Variants in SPTBN5 observed in about 807,000 individuals in gnomAD.
SPTBN5 encodes the protein spectrin beta chain, non-erythrocytic 5.
SPTBN5 carries 513 observed loss-of-function variants against 477.6 expected under a neutral mutation model. That is an observed-to-expected ratio of 1.07 (90% CI 1.00 to 1.16). SPTBN5 has a LOEUF of 1.16. SPTBN5 is among the 50% of genes most tolerant of loss of function. The pLI, the probability that SPTBN5 is intolerant of heterozygous loss-of-function variation, is 0.00. For missense variants in SPTBN5, 5,062 were observed against 4,731.8 expected (o/e 1.07, Z -2.05); for synonymous variants, 2,169 against 2,011.7 (o/e 1.08, Z -2.09).
intron 17 of SPTBN5, 69 bp from the exon 18 acceptor site, chr15:41,877,425 C>T: frequency 6.5e-7 from 1 of 1,541,746 alleles, no homozygotes; most frequent in Non-Finnish European, 8.7e-7. Flanking sequence ...CTCCTCTCAC[C>T]TCCAGGGTTC....
Position 41,875,524 on chromosome 15 carries a change from C to T in SPTBN5, c.4221G>A (p.Lys1407=), listed in dbSNP as rs778645130. ...GGAGCTCGTCCCCACGCTCAGTCAT[C>T]TTGCGGTTCAAAGCTTCCCACTTGC... ...LRSKWEALNR[K]MTERGDELQQ... is the part of the protein sequence containing the mutation. The change falls in exon 22 of 68, where the codon AAG becomes AAA. Residue 1407 remains lysine, a synonymous_variant. Transcript: ENST00000320955. The T allele has an allele frequency of 6.8e-6, 11 of 1,612,420 alleles. No homozygotes were observed. Among genetic ancestry groups the T allele is most frequent in the Non-Finnish European group, 9.3e-6 (11 of 1,179,440 alleles).
chr15:41,865,140 G>A (rs1394348222), intron 39 of SPTBN5, among the ~76,000 whole-genome samples: 1 of 152,162 alleles, frequency 6.6e-6, no homozygotes, highest in African/African-American at 2.4e-5. Context: ...AGCACATTTG[G>A]TCTTTAACAC....
chr15:41,875,341 C>G (rs772845593), intron 22 of SPTBN5, 117 bp downstream of exon 22: 102 of 1,280,106 alleles, frequency 8.0e-5, no homozygotes, highest in Non-Finnish European at 1.0e-4. Flanking sequence ...AGGCCAGAAG[C>G]CTCCAGAGGC....
At chr15:41,851,706 G>A (rs1334729121) in intron 63 of SPTBN5, 73 bp downstream of exon 63, 1 of 1,158,792 alleles carries the variant, frequency 8.6e-7, no homozygotes, top group Non-Finnish European at 1.3e-6. Context: ...GCCAGGCCCA[G>A]ATGGCTCTTC....
At chr15:41,859,132 C>G (rs2066018114) in intron 47 of SPTBN5, among the ~76,000 whole-genome samples, 152 bp from the exon 48 acceptor site, 1 of 152,160 alleles carries the variant, frequency 6.6e-6, no homozygotes, top group Admixed American at 6.5e-5. Context: ...GTATTTGTGT[C>G]TGTTATGCGC....
intron 27 of SPTBN5, 47 bp from the exon 28 acceptor site, chr15:41,871,964 C>T (rs1196977540): frequency 4.7e-6 from 7 of 1,481,562 alleles, no homozygotes; most frequent in Non-Finnish European, 5.4e-6. Flanking sequence ...GCCCACCCCC[C>T]TGGGGGCCAG....
rs1298853129 is a variant in SPTBN5, at chr15:41,876,933, C to T, written c.3727G>A (p.Ala1243Thr). The change falls in exon 19 of 68, where the codon GCC becomes ACC. Residue 1243 changes from alanine (A) to threonine (T), a missense_variant. Coordinates refer to ENST00000320955, the MANE Select transcript of SPTBN5 (RefSeq NM_016642.4). ...CGGTGCTGCTGCAGCAGGCTCAGGGCCTCCCTCACGTCCTCCTGGGAGTGC... is the reference window on the plus strand; with the variant it reads ...CGGTGCTGCTGCAGCAGGCTCAGGGTCTCCCTCACGTCCTCCTGGGAGTGC... ...LDNLGEDVRE[A>T]LSLLQQHREF... The T allele has an allele frequency of 1.2e-6, 2 of 1,608,328 alleles. No individual in the cohort carries two copies. The highest frequency in any genetic ancestry group is 2.7e-5 in the African/African-American group (2 of 74,800).
intron 56 of SPTBN5, 150 bp from the exon 57 acceptor site, chr15:41,854,355 C>T: frequency 1.3e-6 from 1 of 793,028 alleles, no homozygotes; most frequent in Non-Finnish European, 1.8e-6. Flanking sequence ...ATCCTCCATG[C>T]TGCAGCCCTC....
In SPTBN5 at chr15:41,886,164, C is replaced by G. The variant is rs745335403; in HGVS notation, c.1091G>C (p.Gly364Ala). The part of the protein sequence containing the change: ...QEKPPRLQQR[G>A]AAEALLFRLQ... ...CCGGAAGAGCAGGGCCTCTGCGGCC[C>G]CTCGCTGCTGTAGCCGGGGTGGCTT... Residue 364 changes from glycine (G) to alanine (A), a missense_variant, in exon 7 of 68, where the codon GGG becomes GCG. Gly to Ala is a moderately conservative substitution (Grantham distance 60). Transcript: ENST00000320955. 44 of 1,612,520 alleles carry G rather than the reference C, an allele frequency of 2.7e-5. No individual in the cohort carries two copies. The highest frequency in any genetic ancestry group is 3.7e-5 in the Non-Finnish European group (44 of 1,179,602).
intron 7 of SPTBN5, among the ~76,000 whole-genome samples, chr15:41,884,273 A>G (rs1483485214): frequency 6.6e-6 from 1 of 152,150 alleles, no homozygotes. Flanking sequence ...GGCATGAGCC[A>G]CTGCGCCCGG....
intron 39 of SPTBN5, among the ~76,000 whole-genome samples, chr15:41,864,783 C>A (rs1251212430): frequency 6.6e-6 from 1 of 152,214 alleles, no homozygotes; most frequent in African/African-American, 2.4e-5. Context: ...TAAAGGTACG[C>A]AGGGAGGGGG....
At chr15:41,865,238 G>T (rs2066260179) in intron 39 of SPTBN5, among the ~76,000 whole-genome samples, 2 of 152,188 alleles carry the variant, frequency 1.3e-5, no homozygotes, top group Admixed American at 1.3e-4. Context: ...GAGGGGGCGG[G>T]TGTGGGGTGA....
At chr15:41,874,742 G>A in intron 23 of SPTBN5, 100 bp downstream of exon 23, 1 of 1,212,162 alleles carries the variant, frequency 8.2e-7, no homozygotes, top group Non-Finnish European at 1.1e-6. Context: ...TACTCATAAG[G>A]GAGGAGGTCT....
chr15:41,870,086 C>A, intron 31 of SPTBN5, 66 bp from the exon 32 acceptor site: 1 of 1,453,338 alleles, frequency 6.9e-7, no homozygotes, highest in Non-Finnish European at 9.1e-7. Flanking sequence ...CAGATGTATC[C>A]CTTGCCTGGG....
rs1215726924 is a variant in SPTBN5 at position 41,887,289 on chromosome 15, A to G, written c.812T>C (p.Met271Thr). ...GTGGTAGTAGAGGGAGACGTAGGTC[A>G]TGATAGAGCGCTCATCTGGCTGTGC... Reference protein sequence around the residue: ...AAAQPDERSIMTYVSLYYHYC... With the variant: ...AAAQPDERSITTYVSLYYHYC... Residue 271 changes from methionine to threonine, a missense_variant, in exon 6 of 68, where the codon ATG becomes ACG. By Grantham distance (81) the Met-to-Thr change is moderately conservative. Transcript: ENST00000320955. The G allele has an allele frequency of 6.4e-7, 1 of 1,551,304 alleles. No homozygotes were observed. The highest frequency in any genetic ancestry group is 1.2e-5 in the South Asian group (1 of 84,064).
rs777703654 is a variant in SPTBN5, at chr15:41,848,618, A to G, written c.11023T>C (p.Ter3675ArgextTer18). The change falls in exon 68 of 68, where the codon TGA becomes CGA. Residue 3675 changes from the stop codon to arginine (R), a stop_lost. Transcript: ENST00000320955. Reference sequence around the variant, plus strand: ...TTGGTGTTGCACTGGGGTTCACCTCAGGGATCAGACCTGTTGGGAAAACGG... The same window carrying G: ...TTGGTGTTGCACTGGGGTTCACCTCGGGGATCAGACCTGTTGGGAAAACGG... ...RPGCLLRSDP* is the reference protein window; with the variant it reads ...RPGCLLRSDPR 6 of 1,613,940 alleles carry G rather than the reference A, an allele frequency of 3.7e-6. No individual in the cohort carries two copies. Among genetic ancestry groups the G allele is most frequent in the Non-Finnish European group, 5.1e-6 (6 of 1,179,838 alleles).
intron 39 of SPTBN5, among the ~76,000 whole-genome samples, chr15:41,865,551 T>C (rs1595466114): frequency 6.6e-6 from 1 of 152,278 alleles, no homozygotes; most frequent in African/African-American, 2.4e-5. Context: ...GGGGGATAGG[T>C]CTATGCAGTT....
In SPTBN5 at chr15:41,880,229, C is replaced by T. The variant is rs1437651880; in HGVS notation, c.2742G>A (p.Lys914=). The T allele has an allele frequency of 6.2e-7, 1 of 1,602,574 alleles. No homozygotes were observed. Among genetic ancestry groups the T allele is most frequent in the Non-Finnish European group, 8.5e-7 (1 of 1,175,666 alleles). ...GCACCCTTTGGAGCAGCACTGTCTG[C>T]TTCTCCAGCCACAACTGGAGCTCCC... ...SCGELQLWLE[K]QTVLLQRVQP... The change falls in exon 14 of 68, where the codon AAG becomes AAA. Residue 914 remains lysine, a synonymous_variant. Transcript: ENST00000320955.
chr15:41,874,698 T>G, intron 23 of SPTBN5, 144 bp downstream of exon 23: 1 of 929,802 alleles, frequency 1.1e-6, no homozygotes, highest in Non-Finnish European at 1.6e-6. Flanking sequence ...GGAAGCATAA[T>G]GGGGTCTCCG....
Sources: allele counts gnomAD v4.1 joint callset (sites outside exome capture counted in the v4.1 genomes callset), GRCh38; gene constraint gnomAD v4.1.1; transcripts MANE v1.5; gene names NCBI Gene and HGNC (gene_info 2026-07-23, HGNC 2026-07-21).